Variants in ZC3H7B observed in about 807,000 individuals in gnomAD.
ZC3H7B encodes zinc finger CCCH-type containing 7B.
ZC3H7B carries 35 observed loss-of-function variants against 116.0 expected under a neutral mutation model. The observed-to-expected ratio is 0.30, with a 90% CI of 0.23 to 0.40. The LOEUF (loss-of-function observed/expected upper bound fraction) is 0.40. Ranked by LOEUF, ZC3H7B falls within the 10% of genes least tolerant of loss-of-function variation. The probability of loss-of-function intolerance (pLI) is 1.00; values close to 1 mark genes in which losing one functional copy is unlikely to be tolerated. For missense variants in ZC3H7B, 1,011 were observed against 1,321.5 expected, an observed-to-expected ratio of 0.77 and a Z score of 3.64; for synonymous variants, 502 against 545.6, an observed-to-expected ratio of 0.92 and a Z score of 1.11.
chr22:41,316,440 C>T (rs914650341), intron 1 of ZC3H7B, among the ~76,000 whole-genome samples: 1 of 150,828 alleles, frequency 6.6e-6, no homozygotes, highest in Non-Finnish European at 1.5e-5. Flanking sequence ...GGATTACAGG[C>T]GCATGCCATC....
In ZC3H7B at chr22:41,302,368, AG is replaced by A. The variant is rs2035979092; in HGVS notation, c.-7+601del. Among the ~76,000 whole-genome samples the A allele has an allele frequency of 2.0e-5, 3 of 151,786 alleles. No individual in the cohort carries two copies. Among genetic ancestry groups the A allele is most frequent in the Non-Finnish European group, 4.4e-5 (3 of 67,874 alleles). On this transcript the variant is annotated intron_variant, in intron 1 of 22. Transcript: ENST00000352645. The surrounding 1 kb of genome is among the most constrained non-coding windows in gnomAD (Gnocchi z 5.7). ...GGGGCCTGCAGCCGGGCCCGCGGGA[AG>A]GGGGCGGCAGGAAAGGGGGGCGCGG...
At chr22:41,336,961 C>G (rs535173551) in intron 7 of ZC3H7B, 3 of 151,664 alleles carry the variant, frequency 2.0e-5, no homozygotes, top group Admixed American at 2.0e-4. Flanking sequence ...CATGGAGAAA[C>G]CCCATCTCTA....
At chr22:41,320,273 C>T (rs778224098) in intron 1 of ZC3H7B, among the ~76,000 whole-genome samples, 38 of 149,500 alleles carry the variant, frequency 2.5e-4, no homozygotes, top group Non-Finnish European at 4.9e-4. Flanking sequence ...ACGGAGGTTG[C>T]AGTGAGCCGA....
At position 41,329,360 on chromosome 22, in the gene ZC3H7B, G is replaced by A. The variant is rs1034205878; in HGVS notation, c.445-663G>A. Among the ~76,000 whole-genome samples, 20 of 149,426 alleles carry A rather than the reference G, an allele frequency of 1.3e-4. No homozygotes were observed. The East Asian group carries it at 2.2e-3, about 17-fold the overall frequency. ...TGCAACCACTGCCTCCTGAGTTCAA[G>A]CGATTCTCCTGCCTCAGCCTCCCAG... On this transcript the variant is annotated intron_variant, in intron 5 of 22. Transcript: ENST00000352645.
chr22:41,330,176 G>A lies in ZC3H7B; in HGVS notation c.525+73G>A. 6 of 1,527,574 alleles carry A rather than the reference G, an allele frequency of 3.9e-6. No individual in the cohort carries two copies. The South Asian group carries it at 5.8e-5, about 15-fold the overall frequency. 94.6% of individuals were successfully genotyped at this position (1,527,574 alleles called of 1,614,324 possible). A position where few individuals can be genotyped will look rare whatever the true frequency, so the allele number is the denominator to read the frequency against. Reference sequence around the variant, plus strand: ...TCTGAAGGGAGGGACCAGGCTCCGTGGGGAAGGTGGGTGAGGGTGGCCAGG... The same window carrying A: ...TCTGAAGGGAGGGACCAGGCTCCGTAGGGAAGGTGGGTGAGGGTGGCCAGG... On this transcript the variant is annotated intron_variant, in intron 6 of 22. Transcript: ENST00000352645.
intron 4 of ZC3H7B, 98 bp downstream of exon 4, chr22:41,326,016 G>A: frequency 2.2e-6 from 3 of 1,383,302 alleles, no homozygotes; most frequent in Non-Finnish European, 2.9e-6. Flanking sequence ...TGTAGACCAG[G>A]GCCAGCCTCC....
chr22:41,345,830 C>T (rs2036577364), intron 13 of ZC3H7B, among the ~76,000 whole-genome samples, 173 bp from the exon 14 acceptor site: 1 of 152,060 alleles, frequency 6.6e-6, no homozygotes, highest in African/African-American at 2.4e-5. Context: ...CCCAGCTCTG[C>T]CAAGTCCTGG....
chr22:41,348,953 C>T (rs1601793562), intron 15 of ZC3H7B, among the ~76,000 whole-genome samples, 167 bp from the exon 16 acceptor site: 1 of 152,130 alleles, frequency 6.6e-6, no homozygotes, highest in Non-Finnish European at 1.5e-5. Context: ...GGTGCCTGAG[C>T]ATAGGAGCCC....
Position 41,346,241 on chromosome 22 carries a change from G to A in ZC3H7B, c.1665+33G>A. 1 of 1,600,690 alleles carries A rather than the reference G, an allele frequency of 6.2e-7. No individual in the cohort carries two copies. Among genetic ancestry groups the A allele is most frequent in the Non-Finnish European group, 8.5e-7 (1 of 1,177,588 alleles). On this transcript the variant is annotated intron_variant, in intron 14 of 22. Transcript: ENST00000352645. This position sits in a 1 kb window ranked among gnomAD's most constrained non-coding sequence, Gnocchi z 5.3. Reference sequence around the variant, plus strand: ...CCACCCACCCACTGCCACCCCATAGGCCATGGCACAGACAGGGCTGGGGAT... The same window carrying A: ...CCACCCACCCACTGCCACCCCATAGACCATGGCACAGACAGGGCTGGGGAT...
At chr22:41,324,069 G>A (rs1172621136) in intron 2 of ZC3H7B, among the ~76,000 whole-genome samples, 2 of 150,928 alleles carry the variant, frequency 1.3e-5, no homozygotes, top group African/African-American at 4.9e-5. Context: ...GACTCTGTCT[G>A]GAAAAAAAAA....
chr22:41,329,235 A>G (rs1305559355), intron 5 of ZC3H7B, among the ~76,000 whole-genome samples: 1 of 149,136 alleles, frequency 6.7e-6, no homozygotes, highest in Non-Finnish European at 1.5e-5. Context: ...ACAATCCCCA[A>G]ATCCCCACAA....
At position 41,339,845 on chromosome 22, in the gene ZC3H7B, C is replaced by T. The variant is rs376976435; in HGVS notation, c.846C>T (p.Ser282=). The part of the protein sequence containing the change: ...LSLVQGGLSG[S]GVPSELPQLI... ...TGGTCCAGGGTGGCCTGTCTGGCAG[C>T]GGCGTGCCTAGTGAGTTGCCCCAGC... is the stretch of plus-strand genomic sequence containing the variant. Residue 282 remains serine, a synonymous_variant, in exon 10 of 23, where the codon AGC becomes AGT. Coordinates refer to ENST00000352645, the MANE Select transcript of ZC3H7B (RefSeq NM_017590.6). The T allele has an allele frequency of 1.7e-5, 27 of 1,607,650 alleles. No homozygotes were observed. The highest frequency in any genetic ancestry group is 2.2e-5 in the East Asian group (1 of 44,728).
chr22:41,326,500 C>T lies in ZC3H7B; in HGVS notation c.285+582C>T, dbSNP rs572502085. 3.9e-3 allele frequency among the ~76,000 whole-genome samples: 596 copies of T among 151,780 alleles called. 1 individual carries two copies. The Middle Eastern group carries it at 0.041, about 10-fold the overall frequency. ...CTGTTCCTCCCATAGTCTCAGCCTCCTCACTGTTCCTCCCATAGCCTCAGC... is the reference window on the plus strand; with the variant it reads ...CTGTTCCTCCCATAGTCTCAGCCTCTTCACTGTTCCTCCCATAGCCTCAGC... On this transcript the variant is annotated intron_variant, in intron 4 of 22. Transcript: ENST00000352645.
chr22:41,319,225 C>T (rs1320807707), intron 1 of ZC3H7B, among the ~76,000 whole-genome samples: 1 of 152,010 alleles, frequency 6.6e-6, no homozygotes, highest in East Asian at 1.9e-4. Context: ...CACGGTGAAA[C>T]CCCCTCTCTA....
chr22:41,327,492 A>G lies in ZC3H7B; in HGVS notation c.444+128A>G. On this transcript the variant is annotated intron_variant, in intron 5 of 22. Transcript: ENST00000352645. This position sits in a 1 kb window ranked among gnomAD's most constrained non-coding sequence, Gnocchi z 4.5. ...TTCCTCCCCTGTGACATGGCCATGC[A>G]GATCCTGATGTTAACACTAGCTCCC... The G allele has an allele frequency of 1.6e-6, 2 of 1,275,188 alleles. No homozygotes were observed. Among genetic ancestry groups the G allele is most frequent in the Non-Finnish European group, 1.1e-6 (1 of 929,640 alleles). The allele number at this position is 1,275,188 out of a possible 1,614,324, so 79.0% of individuals were successfully genotyped here. A position where few individuals can be genotyped will look rare whatever the true frequency, so the allele number is the denominator to read the frequency against.
At chr22:41,306,046 A>G (rs1411036257) in intron 1 of ZC3H7B, among the ~76,000 whole-genome samples, 1 of 152,208 alleles carries the variant, frequency 6.6e-6, no homozygotes, top group Non-Finnish European at 1.5e-5. Context: ...AAGCAGAGGC[A>G]TTGAGATGGA....
At position 41,356,501 on chromosome 22, in the gene ZC3H7B, G is replaced by A. The variant is rs202002134; in HGVS notation, c.2517+25G>A. The A allele has an allele frequency of 3.4e-4, 546 of 1,613,544 alleles. 1 individual carries two copies. In the African/African-American group the frequency reaches 5.4e-3, roughly 16 times the overall value. ...GGTAACGCCTCCGCCCTGCATGCTC[G>A]GGGCTGCGGTCGGGGCTGTGGTCTG... On this transcript the variant is annotated intron_variant, in intron 21 of 22. Transcript: ENST00000352645.
At chr22:41,331,185 G>A (rs1226466848) in intron 6 of ZC3H7B, among the ~76,000 whole-genome samples, 1 of 146,944 alleles carries the variant, frequency 6.8e-6, no homozygotes. Flanking sequence ...GGAGGCGGAG[G>A]TTGCGGTGAG....
At chr22:41,344,726 AC>A (rs1451729707) in intron 13 of ZC3H7B, among the ~76,000 whole-genome samples, 2 of 151,926 alleles carry the variant, frequency 1.3e-5, no homozygotes, top group Non-Finnish European at 1.5e-5. Flanking sequence ...AACAGGTCCC[AC>A]CCCCAGGAAA....
Sources: allele counts gnomAD v4.1 joint callset (sites outside exome capture counted in the v4.1 genomes callset), GRCh38; gene constraint gnomAD v4.1.1; non-coding constraint Gnocchi (gnomAD v3.1); transcripts MANE v1.5; gene names NCBI Gene and HGNC (gene_info 2026-07-23, HGNC 2026-07-21).